The following UGT2B7 variants were observed in gnomAD, a reference collection of about 807,000 sequenced individuals.
UGT2B7 encodes the protein UDP glucuronosyltransferase family 2 member B7.
Under a neutral mutation model 51.9 loss-of-function variants are expected in UGT2B7, and 51 were observed. The ratio of observed to expected loss-of-function variants is 0.98; its 90% confidence interval spans 0.78 to 1.24. The LOEUF (loss-of-function observed/expected upper bound fraction) is 1.24. UGT2B7 is among the 50% of genes most tolerant of loss of function. The pLI is 0.00. For synonymous variants in UGT2B7, 225 were observed against 211.6 expected (o/e 1.06, Z -0.55); for missense variants, 727 against 628.4 (o/e 1.16, Z -1.68).
At chr4:69,065,479 A>G (rs943701095) in intron 1 of UGT2B7, among the ~76,000 whole-genome samples, 5 of 152,230 alleles carry the variant, frequency 3.3e-5, no homozygotes, top group African/African-American at 7.2e-5. Flanking sequence ...CAACAGCCCT[A>G]TGATTTATAA....
intron 1 of UGT2B7, among the ~76,000 whole-genome samples, chr4:69,053,628 G>T (rs1004005346): frequency 6.6e-6 from 1 of 152,132 alleles, no homozygotes; most frequent in African/African-American, 2.4e-5. Context: ...AGTCCCTGTG[G>T]GTCAGCCTCC....
chr4:69,102,728 T>C (rs1246193954), intron 2 of UGT2B7, 79 bp from the exon 3 acceptor site: 2 of 1,555,508 alleles, frequency 1.3e-6, no homozygotes, highest in African/African-American at 1.4e-5. Context: ...TTTCTCTCTT[T>C]AGTAATTTGC....
chr4:69,090,330 A>G (rs1488314817), intron 2 of UGT2B7, among the ~76,000 whole-genome samples: 3 of 152,178 alleles, frequency 2.0e-5, no homozygotes, highest in Non-Finnish European at 4.4e-5. Flanking sequence ...AAATTGGAAT[A>G]TCTATGTATT....
intron 1 of UGT2B7, among the ~76,000 whole-genome samples, chr4:69,052,450 A>AG (rs1357733295): frequency 5.9e-5 from 9 of 152,048 alleles, no homozygotes; most frequent in Admixed American, 3.3e-4. Context: ...ACAAAAGTGA[A>AG]GTTTGCTAAA....
intron 2 of UGT2B7, among the ~76,000 whole-genome samples, chr4:69,089,771 G>A (rs555998502): frequency 6.6e-6 from 1 of 152,256 alleles, no homozygotes; most frequent in Admixed American, 6.5e-5. Flanking sequence ...CTAATCATTT[G>A]CCTATGAATG....
chr4:69,079,884 A>T (rs1409979578), intron 1 of UGT2B7, among the ~76,000 whole-genome samples: 1 of 152,128 alleles, frequency 6.6e-6, no homozygotes, highest in Non-Finnish European at 1.5e-5. Context: ...GAAGTGATAC[A>T]GCTATACTGT....
At chr4:69,092,146 C>T (rs1218742090), upstream of UGT2B7, among the ~76,000 whole-genome samples, 1 of 152,010 alleles carries the variant, frequency 6.6e-6, no homozygotes, top group African/African-American at 2.4e-5. Flanking sequence ...TGTTATGTTA[C>T]CCAGGCTGGT....
Position 69,096,934 on chromosome 4 carries a change from A to G in UGT2B7, c.414A>G (p.Lys138=), listed in dbSNP as rs1187592944. 6 of 1,612,116 alleles carry G rather than the reference A, an allele frequency of 3.7e-6. No individual in the cohort carries two copies. The South Asian group carries it at 5.5e-5, about 15-fold the overall frequency. Residue 138 remains lysine, a synonymous_variant, in exon 1 of 6, where the codon AAA becomes AAG. Coordinates refer to ENST00000305231, the MANE Select transcript of UGT2B7 (RefSeq NM_001074.4). ...TAGTTTCAAATAAGAAATTTATGAA[A>G]AAAGTACAAGAGTCAAGATTTGACG... The part of the protein sequence containing the change: ...KDVVSNKKFM[K]KVQESRFDVI...
chr4:69,094,104 C>A (rs1423929095), upstream of UGT2B7, among the ~76,000 whole-genome samples: 1 of 149,342 alleles, frequency 6.7e-6, no homozygotes, highest in Non-Finnish European at 1.5e-5. Context: ...TGCAATGAAG[C>A]AAATCACACA....
At chr4:69,082,517 C>A (rs2109874549) in intron 1 of UGT2B7, among the ~76,000 whole-genome samples, 1 of 152,132 alleles carries the variant, frequency 6.6e-6, no homozygotes, top group East Asian at 1.9e-4. Flanking sequence ...AAGTTTTAAT[C>A]TGGATATATC....
rs550064226 is a variant in UGT2B7 at position 69,088,440 on chromosome 4, T to G, written c.-158-1032T>G. 4.1e-3 allele frequency among the ~76,000 whole-genome samples: 629 copies of G among 152,182 alleles called. 2 individuals are homozygous for G. Among genetic ancestry groups the G allele is most frequent in the Non-Finnish European group, 7.2e-3 (488 of 67,996 alleles). ...TTCTTGTCAAAAATTTTACGGAGCATCTGAACCTTAATTCTGCACTGTAAC... is the reference window on the plus strand; with the variant it reads ...TTCTTGTCAAAAATTTTACGGAGCAGCTGAACCTTAATTCTGCACTGTAAC... On this transcript the variant is annotated intron_variant, in intron 1 of 5. Transcript: ENST00000502942.
chr4:69,090,178 C>T (rs1028705545), intron 2 of UGT2B7, among the ~76,000 whole-genome samples: 1 of 152,078 alleles, frequency 6.6e-6, no homozygotes, highest in Non-Finnish European at 1.5e-5. Flanking sequence ...CTTGTTATTG[C>T]AATTCTAGAT....
intron 1 of UGT2B7, among the ~76,000 whole-genome samples, chr4:69,083,902 T>A (rs1718890889): frequency 6.6e-6 from 1 of 152,076 alleles, no homozygotes; most frequent in Non-Finnish European, 1.5e-5. Flanking sequence ...TGGCTAGAAA[T>A]TCTAATGATA....
At chr4:69,101,667 T>G (rs1471471743) in intron 2 of UGT2B7, among the ~76,000 whole-genome samples, 1 of 152,158 alleles carries the variant, frequency 6.6e-6, no homozygotes, top group African/African-American at 2.4e-5. Context: ...CTCTGTAATA[T>G]GTGGTCTGCA....
chr4:69,090,614 C>T (rs1719064954), intron 2 of UGT2B7, among the ~76,000 whole-genome samples: 2 of 152,096 alleles, frequency 1.3e-5, no homozygotes, highest in African/African-American at 4.8e-5. Context: ...AAAGACTCAT[C>T]CCCATGATTC....
rs148326292 is a variant in UGT2B7 at position 69,097,126 on chromosome 4, T to C, written c.606T>C (p.Thr202=). The C allele has an allele frequency of 1.8e-4, 283 of 1,613,594 alleles. No individual in the cohort carries two copies. Among genetic ancestry groups the C allele is most frequent in the Non-Finnish European group, 2.3e-4 (274 of 1,179,684 alleles). The part of the protein sequence containing the change: ...SYVPVVMSEL[T]DQMTFMERVK... Reference sequence around the variant, plus strand: ...TACCTGTTGTTATGTCAGAATTAACTGATCAAATGACTTTCATGGAGAGGG... The same window carrying C: ...TACCTGTTGTTATGTCAGAATTAACCGATCAAATGACTTTCATGGAGAGGG... The change falls in exon 1 of 6, where the codon ACT becomes ACC. Residue 202 remains threonine, a synonymous_variant. Coordinates refer to ENST00000305231, the MANE Select transcript of UGT2B7 (RefSeq NM_001074.4).
intron 1 of UGT2B7, among the ~76,000 whole-genome samples, chr4:69,052,909 TA>T (rs1046994939): frequency 2.0e-5 from 3 of 152,112 alleles, no homozygotes; most frequent in Non-Finnish European, 2.9e-5. Context: ...ATTAAAAGGT[TA>T]AAAAAATTAT....
chr4:69,082,969 T>C (rs929816451), intron 1 of UGT2B7, among the ~76,000 whole-genome samples: 2 of 152,106 alleles, frequency 1.3e-5, no homozygotes, highest in Admixed American at 1.3e-4. Flanking sequence ...TGTTCATTTA[T>C]TATTTTGAAA....
intron 1 of UGT2B7, among the ~76,000 whole-genome samples, chr4:69,058,035 C>A (rs557504250): frequency 1.3e-5 from 2 of 152,110 alleles, no homozygotes; most frequent in Non-Finnish European, 2.9e-5. Flanking sequence ...GCAGAATGCT[C>A]GCAGTTCAAG....
Sources: gnomAD v4.1 joint callset for allele counts (sites outside exome capture counted in the v4.1 genomes callset) on GRCh38, gnomAD v4.1.1 for gene constraint, MANE v1.5 for transcripts, NCBI Gene and HGNC (gene_info 2026-07-23, HGNC 2026-07-21) for gene names.